Variants in MPPED1 observed in about 807,000 individuals in gnomAD.
MPPED1 encodes the protein metallophosphoesterase domain-containing protein 1.
A neutral mutation model predicts 36.2 loss-of-function variants in MPPED1; 16 were observed. The ratio of observed to expected loss-of-function variants is 0.44; its 90% CI spans 0.30 to 0.67. The LOEUF (loss-of-function observed/expected upper bound fraction) is 0.67, where lower values mean the gene tolerates loss of function less well. MPPED1 is among the 30% of genes least tolerant of loss of function. The pLI is 0.10. For missense variants in MPPED1, 307 were observed against 453.4 expected (o/e 0.68, Z 2.93); for synonymous variants, 199 against 191.3 (o/e 1.04, Z -0.33).
intron 3 of MPPED1, among the ~76,000 whole-genome samples, chr22:43,471,225 T>C (rs984305908): frequency 1.3e-5 from 2 of 152,242 alleles, no homozygotes; most frequent in African/African-American, 4.8e-5. Context: ...ACATGAGCAC[T>C]GGCTCTGCAC....
At position 43,451,998 on chromosome 22, in the gene MPPED1, C is replaced by G. The variant is rs73887316; in HGVS notation, c.406+16783C>G. On this transcript the variant is annotated intron_variant, in intron 3 of 6. Transcript: ENST00000443721. ...GTTTCTGTAGTTTCTGTGATCACCT[C>G]CCTATATTTTTCTTTTTTTCTTTCT... 5.1e-3 allele frequency among the ~76,000 whole-genome samples: 771 copies of G among 152,016 alleles called. 6 individuals carry two copies. The highest frequency in any genetic ancestry group is 0.018 in the African/African-American group (744 of 41,442).
intron 4 of MPPED1, among the ~76,000 whole-genome samples, chr22:43,482,112 A>T (rs1264455250): frequency 1.3e-5 from 2 of 152,182 alleles, no homozygotes; most frequent in Non-Finnish European, 2.9e-5. Context: ...CTCAGCTGGT[A>T]CAAAATCCCA....
intron 3 of MPPED1, among the ~76,000 whole-genome samples, chr22:43,463,592 T>A (rs1230640554): frequency 6.6e-6 from 1 of 152,124 alleles, no homozygotes; most frequent in East Asian, 1.9e-4. Flanking sequence ...CCTCTTTTGG[T>A]CAAATTAAAA....
intron 4 of MPPED1, among the ~76,000 whole-genome samples, chr22:43,483,087 G>A (rs1354470119): frequency 6.6e-6 from 1 of 152,268 alleles, no homozygotes; most frequent in African/African-American, 2.4e-5. Context: ...GTGAGGTCCT[G>A]TGGGAACTGA....
At chr22:43,489,261 C>A (rs1932010424) in intron 4 of MPPED1, among the ~76,000 whole-genome samples, 1 of 152,056 alleles carries the variant, frequency 6.6e-6, no homozygotes, top group South Asian at 2.1e-4. Flanking sequence ...CTCCTCTGCC[C>A]AGGGCAGAGC....
chr22:43,418,238 C>T (rs5759334), intron 1 of MPPED1: 120,185 of 446,040 alleles, frequency 0.27, 19,973 homozygotes, highest in East Asian at 0.6. Context: ...GGCACAGGGA[C>T]AGCAGATGTG....
At chr22:43,485,542 CACAG>C (rs1931887171) in intron 4 of MPPED1, among the ~76,000 whole-genome samples, 1 of 152,162 alleles carries the variant, frequency 6.6e-6, no homozygotes, top group African/African-American at 2.4e-5. Flanking sequence ...CACACTCACA[CACAG>C]AGTCACACAC....
At chr22:43,495,735 T>A (rs1156258366) in intron 4 of MPPED1, among the ~76,000 whole-genome samples, 1 of 40,858 alleles carries the variant, frequency 2.4e-5, no homozygotes, top group Non-Finnish European at 3.9e-5. Context: ...GTGGTGGTGG[T>A]GGAGGTAGTG....
At chr22:43,500,021 G>A in intron 5 of MPPED1, among the ~76,000 whole-genome samples, 1 of 101,856 alleles carries the variant, frequency 9.8e-6, no homozygotes, top group Non-Finnish European at 1.9e-5. Flanking sequence ...TGGTGGAGGT[G>A]GTGGTGGTGG....
In MPPED1 at chr22:43,435,081, G is replaced by T; in HGVS notation, c.272G>T (p.Arg91Leu). ...HDAPKPPGYT[R>L]FVCVSDTHSR... ...GCCCCCAAACCTCCAGGCTACACCCGCTTCGTCTGCGTCTCTGATACCCAC... is the reference window on the plus strand; with the variant it reads ...GCCCCCAAACCTCCAGGCTACACCCTCTTCGTCTGCGTCTCTGATACCCAC... The change falls in exon 3 of 7, where the codon CGC becomes CTC. Residue 91 changes from arginine (R) to leucine (L), a missense_variant. This residue lies in a region of MPPED1 where 169 missense variants were observed against 212.3 expected (regional missense o/e 0.80). Transcript: ENST00000443721. 1 of 1,613,852 alleles carries T rather than the reference G, an allele frequency of 6.2e-7. No homozygotes were observed. Among genetic ancestry groups the T allele is most frequent in the Non-Finnish European group, 8.5e-7 (1 of 1,179,892 alleles).
chr22:43,442,159 C>T (rs1284986381), intron 3 of MPPED1, among the ~76,000 whole-genome samples: 1 of 152,000 alleles, frequency 6.6e-6, no homozygotes, highest in Non-Finnish European at 1.5e-5. Context: ...GGCCTCCTCT[C>T]TTCTACTTGG....
At chr22:43,414,766 G>A (rs73889245) in intron 1 of MPPED1, among the ~76,000 whole-genome samples, 8,079 of 152,062 alleles carry the variant, frequency 0.053, 605 homozygotes, top group African/African-American at 0.16. Flanking sequence ...GTCTTTTCAC[G>A]AATTCCCCCT....
At chr22:43,471,549 G>T (rs1931377390) in intron 3 of MPPED1, among the ~76,000 whole-genome samples, 1 of 152,202 alleles carries the variant, frequency 6.6e-6, no homozygotes, top group Non-Finnish European at 1.5e-5. Context: ...GTACCTTGGG[G>T]GTGCTCTAGG....
rs1292628020 is a variant in MPPED1 at position 43,425,035 on chromosome 22, C to CCCT, written c.56_58dup (p.Leu19dup). The CCCT allele has an allele frequency of 1.2e-6, 2 of 1,611,580 alleles. No individual in the cohort carries two copies. Among genetic ancestry groups the CCCT allele is most frequent in the African/African-American group, 2.7e-5 (2 of 74,886 alleles). ...AGCGTCCTGAAGGCGGAGGCCCTGG[C>CCCT]CCTCCTCCCCTGCGGCCTGGGCATG... On this transcript the variant is annotated inframe_insertion, in exon 2 of 7. Coordinates refer to ENST00000443721, the MANE Select transcript of MPPED1 (RefSeq NM_001044370.2).
chr22:43,499,932 G>GCGA (rs1203288406), intron 5 of MPPED1, among the ~76,000 whole-genome samples: 11 of 88,190 alleles, frequency 1.2e-4, no homozygotes, highest in East Asian at 6.9e-4. Context: ...GGTGGTGATG[G>GCGA]TGGAGGTGGT....
chr22:43,494,096 C>G (rs1208351302), intron 4 of MPPED1, among the ~76,000 whole-genome samples: 1 of 152,090 alleles, frequency 6.6e-6, no homozygotes, highest in African/African-American at 2.4e-5. Context: ...TGCAGTGGCA[C>G]AATCTCAGTT....
At chr22:43,416,489 C>G (rs1929079146) in intron 1 of MPPED1, 3 of 152,236 alleles carry the variant, frequency 2.0e-5, no homozygotes, top group Non-Finnish European at 2.9e-5. Context: ...CCACAGCCCT[C>G]TAGCCTCTTC....
intron 3 of MPPED1, among the ~76,000 whole-genome samples, chr22:43,460,941 C>T (rs1301656554): frequency 6.6e-6 from 1 of 152,222 alleles, no homozygotes; most frequent in African/African-American, 2.4e-5. Flanking sequence ...TGGTTGGCCT[C>T]TTGTTTGCCC....
At chr22:43,497,580 A>G (rs1458237033) in intron 4 of MPPED1, among the ~76,000 whole-genome samples, 1 of 152,054 alleles carries the variant, frequency 6.6e-6, no homozygotes, top group Non-Finnish European at 1.5e-5. Context: ...ACTAGGGGGA[A>G]TATCTGGCAT....
Sources: gnomAD v4.1 joint callset for allele counts (sites outside exome capture counted in the v4.1 genomes callset) on GRCh38, gnomAD v4.1.1 for gene constraint, gnomAD v4.1.1 regional missense constraint, MANE v1.5 for transcripts, NCBI Gene and HGNC (gene_info 2026-07-23, HGNC 2026-07-21) for gene names.